Variants in CRYBG1 observed in about 807,000 individuals in gnomAD.
The protein encoded by CRYBG1 is beta/gamma crystallin domain-containing protein 1.
A neutral mutation model predicts 189.2 loss-of-function variants in CRYBG1; 139 were observed. The observed-to-expected ratio is 0.73, with a 90% CI of 0.64 to 0.85. The LOEUF is 0.85. CRYBG1 is among the 40% of genes least tolerant of loss of function. The probability of loss-of-function intolerance (pLI) is 0.00; values close to 1 mark genes in which losing one functional copy is unlikely to be tolerated. For missense variants in CRYBG1, 2,611 were observed against 2,675.8 expected, an observed-to-expected ratio of 0.98 and a Z score of 0.53; for synonymous variants, 1,023 against 1,017.1, an observed-to-expected ratio of 1.01 and a Z score of -0.11.
chr6:106,443,211 A>G (rs1771598624), intron 1 of CRYBG1, among the ~76,000 whole-genome samples: 1 of 152,208 alleles, frequency 6.6e-6, no homozygotes, highest in Admixed American at 6.5e-5. Context: ...TTCTTCCTCT[A>G]AAAGATTTAC....
At chr6:106,393,782 TCTC>T (rs796898858) in intron 1 of CRYBG1, among the ~76,000 whole-genome samples, 16 of 151,992 alleles carry the variant, frequency 1.1e-4, no homozygotes, top group African/African-American at 3.1e-4. Flanking sequence ...TTCAAGGAAT[TCTC>T]CTGCTTCAGC....
In CRYBG1 at chr6:106,422,660, A is replaced by G. The variant is rs373952912; in HGVS notation, c.174-29034A>G. On this transcript the variant is annotated intron_variant, in intron 1 of 21. Transcript: ENST00000633556. Reference sequence around the variant, plus strand: ...TATTTGTTCAAGAATTTTAAAACACATATTTCATCATCTTCTGCTACTGTG... The same window carrying G: ...TATTTGTTCAAGAATTTTAAAACACGTATTTCATCATCTTCTGCTACTGTG... 8.7e-4 allele frequency among the ~76,000 whole-genome samples: 133 copies of G among 152,298 alleles called. 1 individual carries two copies. The highest frequency in any genetic ancestry group is 3.0e-3 in the African/African-American group (126 of 41,552).
chr6:106,368,737 C>T (rs927892667), intron 1 of CRYBG1, among the ~76,000 whole-genome samples: 4 of 152,026 alleles, frequency 2.6e-5, no homozygotes, highest in African/African-American at 7.2e-5. Flanking sequence ...AAGCAATGAC[C>T]CCTCATAACA....
At chr6:106,420,721 A>C (rs533845058) in intron 1 of CRYBG1, 1 of 153,126 alleles carries the variant, frequency 6.5e-6, no homozygotes, top group African/African-American at 2.4e-5. Flanking sequence ...GTCTGAGTGC[A>C]GTGGTGTTTA....
At chr6:106,416,742 G>C (rs1264523828) in intron 1 of CRYBG1, among the ~76,000 whole-genome samples, 1 of 152,154 alleles carries the variant, frequency 6.6e-6, no homozygotes, top group Non-Finnish European at 1.5e-5. Context: ...ACAAATTGTA[G>C]TATTCATTAT....
At chr6:106,385,373 T>A (rs1239486130) in intron 1 of CRYBG1, among the ~76,000 whole-genome samples, 2 of 152,170 alleles carry the variant, frequency 1.3e-5, no homozygotes, top group Admixed American at 6.5e-5. Context: ...TAGCCAGCAT[T>A]TCTCTACTGG....
chr6:106,506,498 G>C (rs1449827870), intron 2 of CRYBG1, among the ~76,000 whole-genome samples: 8 of 133,740 alleles, frequency 6.0e-5, no homozygotes, highest in African/African-American at 2.0e-4. Context: ...CGTCAGCCAG[G>C]CTGGAGTACA....
At chr6:106,422,759 G>A (rs1022856999) in intron 1 of CRYBG1, among the ~76,000 whole-genome samples, 2 of 152,184 alleles carry the variant, frequency 1.3e-5, no homozygotes, top group Non-Finnish European at 2.9e-5. Context: ...GATGTTGAAA[G>A]ATGGTTCCTG....
At position 106,380,115 on chromosome 6, in the gene CRYBG1, G is replaced by A. The variant is rs28690098; in HGVS notation, c.173+19034G>A. ...CCCTGACTTGTGCAATTTCAAAAAA[G>A]AAAAACCCCAGAAGTTGTCACCCCA... On this transcript the variant is annotated intron_variant, in intron 1 of 21. Transcript: ENST00000633556. Among the ~76,000 whole-genome samples, 729 of 152,202 alleles carry A rather than the reference G, an allele frequency of 4.8e-3. 4 individuals are homozygous for A. The highest frequency in any genetic ancestry group is 0.017 in the Middle Eastern group (5 of 292).
chr6:106,535,302 C>T (rs1773977006), intron 8 of CRYBG1, among the ~76,000 whole-genome samples: 1 of 151,944 alleles, frequency 6.6e-6, no homozygotes, highest in Admixed American at 6.6e-5. Context: ...TGGAATATAC[C>T]ATATCAGAGC....
Position 106,571,216 on chromosome 6 carries a change from A to C in CRYBG1, c.*2650A>C, listed in dbSNP as rs1474877245. ...AGCATAAACAAATGAATCACCAGGC[A>C]GATTTTTATATATGACACTAAGAGA... On this transcript the variant is annotated 3_prime_UTR_variant, in exon 22 of 22. Transcript: ENST00000633556. 1 of 152,242 alleles carries C rather than the reference A, an allele frequency of 6.6e-6. No homozygotes were observed. Among genetic ancestry groups the C allele is most frequent in the East Asian group, 1.9e-4 (1 of 5,202 alleles). 9.4% of individuals were successfully genotyped at this position (152,242 alleles called of 1,614,324 possible).
intron 10 of CRYBG1, among the ~76,000 whole-genome samples, chr6:106,542,296 T>TG (rs1224946096): frequency 6.7e-6 from 1 of 148,580 alleles, no homozygotes; most frequent in East Asian, 1.9e-4. Context: ...TTTTTTTTTT[T>TG]TGTGGAGACC....
At chr6:106,468,221 G>A (rs1199226321) in intron 2 of CRYBG1, among the ~76,000 whole-genome samples, 4 of 152,148 alleles carry the variant, frequency 2.6e-5, no homozygotes, top group Admixed American at 6.5e-5. Flanking sequence ...TTCGGGAGTC[G>A]AGGAAGATAA....
chr6:106,369,986 A>G (rs1769985350), intron 1 of CRYBG1, among the ~76,000 whole-genome samples: 1 of 152,210 alleles, frequency 6.6e-6, no homozygotes, highest in Non-Finnish European at 1.5e-5. Context: ...CTGCAAGTTA[A>G]TCACTGTGGT....
chr6:106,432,072 G>A (rs1032324889), intron 1 of CRYBG1, among the ~76,000 whole-genome samples: 8 of 152,156 alleles, frequency 5.3e-5, no homozygotes, highest in African/African-American at 1.7e-4. Flanking sequence ...TAATTCTAGC[G>A]TGGCAAAAAT....
chr6:106,485,367 C>A (rs894565475), intron 2 of CRYBG1, among the ~76,000 whole-genome samples: 1 of 152,156 alleles, frequency 6.6e-6, no homozygotes, highest in Non-Finnish European at 1.5e-5. Context: ...CATGACTTTA[C>A]TGAATTAGAT....
intron 8 of CRYBG1, among the ~76,000 whole-genome samples, chr6:106,533,097 A>G (rs1354582006): frequency 6.6e-6 from 1 of 152,216 alleles, no homozygotes; most frequent in Non-Finnish European, 1.5e-5. Flanking sequence ...GGCTACAAGA[A>G]ACATAAATTA....
At chr6:106,503,273 A>G (rs1676022) in intron 2 of CRYBG1, among the ~76,000 whole-genome samples, 31,132 of 152,086 alleles carry the variant, frequency 0.2, 3,351 homozygotes, top group Non-Finnish European at 0.25. Flanking sequence ...GGGCGCAGAC[A>G]AGGCTGAGGG....
intron 2 of CRYBG1, among the ~76,000 whole-genome samples, chr6:106,478,249 G>T (rs143377864): frequency 4.6e-5 from 7 of 152,206 alleles, no homozygotes; most frequent in African/African-American, 1.7e-4. Context: ...TAATGAGTGT[G>T]TATGTATTAT....
Sources: gnomAD v4.1 joint callset for allele counts (sites outside exome capture counted in the v4.1 genomes callset) on GRCh38, gnomAD v4.1.1 for gene constraint, MANE v1.5 for transcripts, NCBI Gene and HGNC (gene_info 2026-07-23, HGNC 2026-07-21) for gene names.